DUX4: variants seen among roughly 807,000 people sequenced by gnomAD.
DUX4 encodes double homeobox 4.
At chr4:190,176,404 A>T (rs1742306483), downstream of DUX4, among the ~76,000 whole-genome samples, 2 of 110,122 alleles carry the variant, frequency 1.8e-5, 1 homozygote, top group Middle Eastern at 7.8e-3. Context: ...GAGTTACATC[A>T]CCTTGGGGAT....
At chr4:190,179,612 G>A (rs1579835779), downstream of DUX4, among the ~76,000 whole-genome samples, 12 of 151,672 alleles carry the variant, frequency 7.9e-5, no homozygotes, top group East Asian at 1.9e-4. Flanking sequence ...AAAAGTTACA[G>A]CACCTGGGAG....
chr4:190,177,936 C>T (rs1579833500), downstream of DUX4, among the ~76,000 whole-genome samples: 238 of 141,714 alleles, frequency 1.7e-3, no homozygotes, highest in Admixed American at 3.1e-3. Flanking sequence ...AGATATGTCA[C>T]AATGTCTCCA....
chr4:190,178,885 A>AGATTTG (rs1415331305), downstream of DUX4, among the ~76,000 whole-genome samples: 6 of 99,554 alleles, frequency 6.0e-5, no homozygotes, highest in Non-Finnish European at 1.1e-4. Flanking sequence ...ATCAGTGCAG[A>AGATTTG]TCTATGTCAC....
intron 1 of DUX4, among the ~76,000 whole-genome samples, 163 bp from the exon 2 acceptor site, chr4:190,175,484 G>T (rs1330072183): frequency 2.8e-4 from 6 of 21,724 alleles, no homozygotes; most frequent in African/African-American, 5.9e-4. Flanking sequence ...ACCGGGCCCC[G>T]CGCAGCGTCC....
At chr4:190,179,058 A>ACT (rs1742475054), downstream of DUX4, among the ~76,000 whole-genome samples, 1 of 2,682 alleles carries the variant, frequency 3.7e-4, no homozygotes, top group Non-Finnish European at 5.9e-4. Context: ...ATCCTAGAAA[A>ACT]GAGTCCCATT....
chr4:190,176,316 G>T (rs1276074482), downstream of DUX4, among the ~76,000 whole-genome samples: 2 of 115,310 alleles, frequency 1.7e-5, no homozygotes, highest in Non-Finnish European at 4.1e-5. Context: ...TGTAGGCAGA[G>T]CTTAGACAAG....
chr4:190,179,647 G>A (rs1579835828), downstream of DUX4, among the ~76,000 whole-genome samples: 1 of 152,210 alleles, frequency 6.6e-6, no homozygotes, highest in African/African-American at 2.4e-5. Context: ...ATGTCACAAT[G>A]TCCCCAGTAG....
chr4:190,177,543 C>CGATCCAAG (rs1742373971), downstream of DUX4, among the ~76,000 whole-genome samples: 1 of 106,704 alleles, frequency 9.4e-6, no homozygotes, highest in Non-Finnish European at 2.1e-5. Context: ...CCCCTTTAGG[C>CGATCCAAG]ACAGCTTAGA....
downstream of DUX4, among the ~76,000 whole-genome samples, chr4:190,177,066 GA>G (rs1742340027): frequency 8.7e-6 from 1 of 115,424 alleles, no homozygotes; most frequent in African/African-American, 2.7e-5. Flanking sequence ...CCTCTAGGCA[GA>G]GTATAGAGAA....
chr4:190,175,461 C>A (rs1439234876), intron 1 of DUX4, among the ~76,000 whole-genome samples, 177 bp downstream of exon 1: 1 of 37,244 alleles, frequency 2.7e-5, no homozygotes. Flanking sequence ...TGGAGACCCC[C>A]GTCCCGCGAA....
downstream of DUX4, among the ~76,000 whole-genome samples, chr4:190,179,224 G>T (rs1579835216): frequency 3.6e-3 from 143 of 39,488 alleles, no homozygotes; most frequent in South Asian, 4.8e-3. Flanking sequence ...ATCATTGCAG[G>T]GATATGTCAC....
chr4:190,179,622 G>A (rs1579835798), downstream of DUX4, among the ~76,000 whole-genome samples: 23 of 151,534 alleles, frequency 1.5e-4, no homozygotes, highest in Non-Finnish European at 2.2e-4. Flanking sequence ...GCACCTGGGA[G>A]ATCAGTGCAG....
downstream of DUX4, among the ~76,000 whole-genome samples, chr4:190,178,168 A>G: frequency 2.4e-5 from 2 of 83,534 alleles, no homozygotes; most frequent in Non-Finnish European, 4.9e-5. Flanking sequence ...CAGAGACTAG[A>G]AAAGAGTTAC....
chr4:190,177,525 TCA>T (rs1742372275), downstream of DUX4, among the ~76,000 whole-genome samples: 1 of 150,518 alleles, frequency 6.6e-6, no homozygotes, highest in Non-Finnish European at 1.5e-5. Context: ...GAGATATGTG[TCA>T]CAATTCCCCT....
downstream of DUX4, among the ~76,000 whole-genome samples, chr4:190,176,667 G>T (rs1404102820): frequency 2.8e-4 from 27 of 97,158 alleles, no homozygotes; most frequent in Admixed American, 7.6e-4. Flanking sequence ...GCCTAGACAA[G>T]AGTTTCATCA....
chr4:190,180,005 T>TA (rs1553983553), downstream of DUX4, among the ~76,000 whole-genome samples: 1 of 128,762 alleles, frequency 7.8e-6, no homozygotes, highest in African/African-American at 3.4e-5. Flanking sequence ...AGGCAGAGCT[T>TA]AAACTAGAGT....
At chr4:190,182,178 GAGGGTGAGGGTT>G (rs1742604548) in intron 1 of DUX4, 1 of 129,354 alleles carries the variant, frequency 7.7e-6, no homozygotes, top group Non-Finnish European at 1.8e-5. Flanking sequence ...TCACAATGGC[GAGGGTGAGGGTT>G]AGGGTGAGGG....
chr4:190,178,118 G>C (rs1579833846), downstream of DUX4, among the ~76,000 whole-genome samples: 575 of 72,612 alleles, frequency 7.9e-3, 3 homozygotes, highest in African/African-American at 0.02. Flanking sequence ...ACATAACCCA[G>C]GTGATCCGTA....
At chr4:190,177,744 G>T (rs1742383432), downstream of DUX4, among the ~76,000 whole-genome samples, 4 of 145,462 alleles carry the variant, frequency 2.7e-5, no homozygotes, top group Non-Finnish European at 3.1e-5. Flanking sequence ...TGCCCCTGTA[G>T]GCAGAGCCTA....
Sources: gnomAD v4.1 joint callset for allele counts (sites outside exome capture counted in the v4.1 genomes callset) on GRCh38, gnomAD v4.1.1 for gene constraint, MANE v1.5 for transcripts, NCBI Gene and HGNC (gene_info 2026-07-23, HGNC 2026-07-21) for gene names.